AGPAT5: variants seen among roughly 807,000 people sequenced by gnomAD.
The protein encoded by AGPAT5 is 1-acyl-sn-glycerol-3-phosphate acyltransferase epsilon.
In AGPAT5, 46 loss-of-function variants were observed where a neutral mutation model predicts 45.6. The observed-to-expected ratio is 1.01, with a 90% CI of 0.80 to 1.29. The LOEUF (loss-of-function observed/expected upper bound fraction) is 1.29. Ranked by LOEUF, AGPAT5 falls within the 50% of genes most tolerant of loss-of-function variation. The pLI is 0.00. For synonymous variants in AGPAT5, 272 were observed against 167.0 expected, an observed-to-expected ratio of 1.63 and a Z score of -4.85; for missense variants, 673 against 450.7, an observed-to-expected ratio of 1.49 and a Z score of -4.47.
intron 5 of AGPAT5, among the ~76,000 whole-genome samples, chr8:6,744,930 T>G (rs983641581): frequency 1.4e-4 from 22 of 152,226 alleles, no homozygotes; most frequent in African/African-American, 5.3e-4. Context: ...CAATGCTGAC[T>G]GCCTTCTGCA....
intron 1 of AGPAT5, among the ~76,000 whole-genome samples, chr8:6,720,094 G>A (rs910532588): frequency 2.6e-5 from 4 of 152,188 alleles, no homozygotes; most frequent in Non-Finnish European, 5.9e-5. Context: ...TGCATATGAT[G>A]TAGTGGAAGA....
At chr8:6,717,322 C>T (rs892656845) in intron 1 of AGPAT5, among the ~76,000 whole-genome samples, 9 of 152,206 alleles carry the variant, frequency 5.9e-5, no homozygotes, top group South Asian at 2.1e-4. Flanking sequence ...ATTTGGAAGA[C>T]GACTTTACTG....
intron 6 of AGPAT5, among the ~76,000 whole-genome samples, chr8:6,748,543 C>T (rs1192608549): frequency 1.3e-5 from 2 of 152,114 alleles, no homozygotes; most frequent in East Asian, 1.9e-4. Flanking sequence ...TTCGCTCTGT[C>T]GCCCAGGCTG....
In AGPAT5 at chr8:6,729,983, T is replaced by C. The variant is rs1800808919; in HGVS notation, c.290-728T>C. Among the ~76,000 whole-genome samples, 3 of 152,210 alleles carry C rather than the reference T, an allele frequency of 2.0e-5. No individual in the cohort carries two copies. In the South Asian group the frequency reaches 6.2e-4, roughly 31 times the overall value. ...GTACCGAGTCCTAAAAACTCATTAG[T>C]AGAAGATGAAGTGTCCTTGCCTTTT... On this transcript the variant is annotated intron_variant, in intron 2 of 7. Coordinates refer to ENST00000285518, the MANE Select transcript of AGPAT5 (RefSeq NM_018361.5).
At chr8:6,712,257 C>T (rs1374316779) in intron 1 of AGPAT5, among the ~76,000 whole-genome samples, 8 of 152,060 alleles carry the variant, frequency 5.3e-5, no homozygotes, top group African/African-American at 1.9e-4. Flanking sequence ...TTAAGTAGAA[C>T]ATTTGATTAA....
Position 6,755,069 on chromosome 8 carries a change from G to T in AGPAT5, c.764G>T (p.Cys255Phe), listed in dbSNP as rs775113398. ...TTGTTAGAATTTCTCTGCAAAGAAT[G>T]TCCAAAAATTCATATTCACATTGAT... ...PTMTEFLCKE[C>F]PKIHIHIDRI... Residue 255 changes from cysteine (C) to phenylalanine (F), a missense_variant, in exon 7 of 8, where the codon TGT becomes TTT. By Grantham distance (205) the Cys-to-Phe change is radical (BLOSUM62 -2). Transcript: ENST00000285518. The T allele has an allele frequency of 1.5e-5, 24 of 1,592,830 alleles. No individual in the cohort carries two copies. Among genetic ancestry groups the T allele is most frequent in the Non-Finnish European group, 2.0e-5 (23 of 1,172,768 alleles).
intron 2 of AGPAT5, among the ~76,000 whole-genome samples, chr8:6,728,517 A>G (rs1466837071): frequency 6.6e-6 from 1 of 152,230 alleles, no homozygotes; most frequent in Admixed American, 6.5e-5. Context: ...AACATGATGT[A>G]TTTTGGAAAT....
chr8:6,726,798 C>G (rs1161060439), intron 2 of AGPAT5, among the ~76,000 whole-genome samples: 6 of 152,196 alleles, frequency 3.9e-5, no homozygotes, highest in Non-Finnish European at 1.5e-5. Flanking sequence ...CTTTGTATCA[C>G]CGCTCTGGCA....
intron 6 of AGPAT5, among the ~76,000 whole-genome samples, chr8:6,748,177 C>T (rs1355137393): frequency 1.3e-5 from 2 of 151,950 alleles, no homozygotes; most frequent in Admixed American, 6.6e-5. Context: ...TCAGTGCTGC[C>T]CTTTTGCTGT....
At chr8:6,723,351 A>T (rs143368205) in intron 1 of AGPAT5, among the ~76,000 whole-genome samples, 2,165 of 152,196 alleles carry the variant, frequency 0.014, 43 homozygotes, top group Non-Finnish European at 0.021. Flanking sequence ...ATGCCTGGCT[A>T]ATCTTTTTAT....
chr8:6,719,695 C>G (rs1800440462), intron 1 of AGPAT5, among the ~76,000 whole-genome samples: 1 of 152,226 alleles, frequency 6.6e-6, no homozygotes, highest in African/African-American at 2.4e-5. Context: ...CTAAGAAAAA[C>G]TGTTGGAACC....
Position 6,719,611 on chromosome 8 carries a change from C to G in AGPAT5, c.220-5259C>G, listed in dbSNP as rs1397964798. ...CACCATTATCAGCACAAGCTAATAG[C>G]ATCATTCGGGAATCATCACTATTAC... On this transcript the variant is annotated intron_variant, in intron 1 of 7. Coordinates refer to ENST00000285518, the MANE Select transcript of AGPAT5 (RefSeq NM_018361.5). Among the ~76,000 whole-genome samples the G allele has an allele frequency of 1.3e-5, 2 of 152,296 alleles. 1 individual carries two copies. Among genetic ancestry groups the G allele is most frequent in the East Asian group, 3.9e-4 (2 of 5,190 alleles).
chr8:6,745,510 A>G (rs1801412466), intron 5 of AGPAT5, among the ~76,000 whole-genome samples: 1 of 152,210 alleles, frequency 6.6e-6, no homozygotes, highest in East Asian at 1.9e-4. Flanking sequence ...ACTTTCACAT[A>G]ACTTTTGACA....
chr8:6,728,730 C>T (rs569552450), intron 2 of AGPAT5, among the ~76,000 whole-genome samples: 2 of 152,178 alleles, frequency 1.3e-5, no homozygotes. Context: ...CCATACAGAA[C>T]CATACAGAAT....
At chr8:6,725,688 T>C (rs1312773454) in intron 2 of AGPAT5, among the ~76,000 whole-genome samples, 1 of 152,240 alleles carries the variant, frequency 6.6e-6, no homozygotes, top group African/African-American at 2.4e-5. Context: ...CCACTTCTTA[T>C]GTTTTCAAAC....
rs75324706 is a variant in AGPAT5, at chr8:6,760,256, G to C, written c.*2868G>C. Among the ~76,000 whole-genome samples the C allele has an allele frequency of 0.022, 3,362 of 152,174 alleles. 70 individuals are homozygous for C. The highest frequency in any genetic ancestry group is 0.031 in the Non-Finnish European group (2,098 of 68,020). ...AAATTAAAAAAAATTAGCCAGGCAT[G>C]GTGGCGTACACTGAGTAGTTTGTCC... On this transcript the variant is annotated 3_prime_UTR_variant, in exon 8 of 8. Transcript: ENST00000285518.
Position 6,760,582 on chromosome 8 carries a change from TAGATTGA to T in AGPAT5, c.*3202_*3208del, listed in dbSNP as rs1802004333. 6.6e-6 allele frequency among the ~76,000 whole-genome samples: 1 copy of T among 152,226 alleles called. No homozygotes were observed. The highest frequency in any genetic ancestry group is 6.5e-5 in the Admixed American group (1 of 15,284). On this transcript the variant is annotated 3_prime_UTR_variant, in exon 8 of 8. Transcript: ENST00000285518. ...ACCTTAATTTGTTTTTAGTAGTGTT[TAGATTGA>T]AGATTGAGTGAAATATTTTCTTGGC... is the stretch of plus-strand genomic sequence containing the variant.
chr8:6,716,494 GAGGC>G (rs1800334045), intron 1 of AGPAT5, among the ~76,000 whole-genome samples: 1 of 151,988 alleles, frequency 6.6e-6, no homozygotes, highest in African/African-American at 2.4e-5. Context: ...ATGGGAGGTA[GAGGC>G]TCCAGCTTGG....
intron 1 of AGPAT5, among the ~76,000 whole-genome samples, chr8:6,720,419 G>A (rs1800461381): frequency 6.6e-6 from 1 of 152,220 alleles, no homozygotes; most frequent in African/African-American, 2.4e-5. Context: ...AACAGTGCTT[G>A]TCAAGGGGCG....
Sources: gnomAD v4.1 joint callset for allele counts (sites outside exome capture counted in the v4.1 genomes callset) on GRCh38, gnomAD v4.1.1 for gene constraint, MANE v1.5 for transcripts, NCBI Gene and HGNC (gene_info 2026-07-23, HGNC 2026-07-21) for gene names.